Variants in POLB observed in about 807,000 individuals in gnomAD.
The protein encoded by POLB is DNA polymerase beta, also known as 5'-dRP lyase.
A neutral mutation model predicts 52.7 loss-of-function variants in POLB; 37 were observed. The observed-to-expected ratio is 0.70, with a 90% confidence interval of 0.54 to 0.92. The LOEUF is 0.92. Among genes scored for constraint, POLB ranks in the 40% least tolerant of loss-of-function variants. POLB has a pLI of 0.00. For missense variants in POLB, 313 were observed against 400.8 expected (o/e 0.78, Z 1.87); for synonymous variants, 138 against 131.3 (o/e 1.05, Z -0.35).
intron 2 of POLB, chr8:42,342,291 C>G (rs1822251703): frequency 6.5e-7 from 1 of 1,535,812 alleles, no homozygotes; most frequent in Non-Finnish European, 8.9e-7. Flanking sequence ...AGATCTTGTC[C>G]ATGCCAAACC....
intron 7 of POLB, among the ~76,000 whole-genome samples, chr8:42,356,365 C>T (rs1412725664): frequency 6.6e-6 from 1 of 152,200 alleles, no homozygotes. Context: ...TGAATAGGTG[C>T]TTCATCATGC....
chr8:42,368,686 T>C (rs922068574), intron 11 of POLB, among the ~76,000 whole-genome samples: 2 of 152,144 alleles, frequency 1.3e-5, no homozygotes, highest in African/African-American at 4.8e-5. Context: ...GATCCCCTCA[T>C]TTTCTGATCT....
chr8:42,369,881 T>G lies in POLB; in HGVS notation c.806T>G (p.Val269Gly), dbSNP rs1824270031. ...LIPKDQYYCGVLYFTGSDIFN... is the reference protein window; with the variant it reads ...LIPKDQYYCGGLYFTGSDIFN... The stretch of plus-strand genomic sequence containing the variant: ...CCCAAAGATCAGTATTACTGTGGTG[T>G]TCTCTATTTCACTGGGAGTGATATT... Residue 269 changes from valine to glycine, a missense_variant, in exon 13 of 14, where the codon GTT (valine) becomes GGT (glycine). Physicochemically the swap from Val to Gly is moderately radical, Grantham distance 109. Coordinates refer to ENST00000265421, the MANE Select transcript of POLB (RefSeq NM_002690.3). The G allele has an allele frequency of 1.9e-6, 3 of 1,605,454 alleles. No homozygotes were observed. Among genetic ancestry groups the G allele is most frequent in the South Asian group, 1.1e-5 (1 of 90,604 alleles).
intron 2 of POLB, among the ~76,000 whole-genome samples, chr8:42,344,119 G>A (rs1005403808): frequency 4.6e-5 from 6 of 131,678 alleles, no homozygotes; most frequent in African/African-American, 1.7e-4. Context: ...CGACAGACTG[G>A]GCGAGACTCC....
At chr8:42,352,736 A>G (rs1242675739) in intron 6 of POLB, among the ~76,000 whole-genome samples, 168 bp downstream of exon 6, 1 of 152,196 alleles carries the variant, frequency 6.6e-6, no homozygotes, top group Non-Finnish European at 1.5e-5. Context: ...AGTTTATATT[A>G]CCATCATAAA....
chr8:42,361,526 G>C (rs557487123), intron 10 of POLB, 161 bp downstream of exon 10: 1 of 616,170 alleles, frequency 1.6e-6, no homozygotes, highest in Non-Finnish European at 2.9e-6. Context: ...CAAATTTCTC[G>C]AAAAGGATAC....
intron 5 of POLB, among the ~76,000 whole-genome samples, chr8:42,351,974 C>T (rs1200333380): frequency 6.6e-6 from 1 of 152,178 alleles, no homozygotes; most frequent in Non-Finnish European, 1.5e-5. Flanking sequence ...TTCCTTTTCC[C>T]GAAACGTTTT....
In POLB at chr8:42,338,518, CTGGGTTGCT is replaced by C; in HGVS notation, c.-106_-98del. The C allele has an allele frequency of 1.0e-6, 1 of 969,428 alleles. No homozygotes were observed. Among genetic ancestry groups the C allele is most frequent in the South Asian group, 1.3e-5 (1 of 76,482 alleles). The allele number at this position is 969,428 out of a possible 1,614,324, so 60.1% of individuals were successfully genotyped here. A position where few individuals can be genotyped will look rare whatever the true frequency, so the allele number is the denominator to read the frequency against. ...CATTGTTCCGCCGGTCGCGCCGGAG[CTGGGTTGCT>C]CCTGCTCCCGTCTCCAAGTCCTGGT... On this transcript the variant is annotated 5_prime_UTR_variant, in exon 1 of 14. Coordinates refer to ENST00000265421, the MANE Select transcript of POLB (RefSeq NM_002690.3).
intron 2 of POLB, among the ~76,000 whole-genome samples, chr8:42,343,630 AGGG>A (rs369260796): frequency 4.2e-5 from 1 of 23,584 alleles, no homozygotes. Flanking sequence ...ATTTTAAAAA[AGGG>A]GGCCCAATGA....
intron 9 of POLB, among the ~76,000 whole-genome samples, chr8:42,359,516 G>A (rs923845780): frequency 3.4e-5 from 5 of 145,886 alleles, no homozygotes; most frequent in East Asian, 2.0e-4. Flanking sequence ...CACCACACCC[G>A]GCTAATTTTT....
At position 42,354,455 on chromosome 8, in the gene POLB, A is replaced by C. The variant is rs1213784904; in HGVS notation, c.371-1061A>C. ...TTCATGCCCAGTAAAGGGACACCTGAATGGAACTGAGTCACTTTTAGACTT... is the reference window on the plus strand; with the variant it reads ...TTCATGCCCAGTAAAGGGACACCTGCATGGAACTGAGTCACTTTTAGACTT... On this transcript the variant is annotated intron_variant, in intron 6 of 13. Transcript: ENST00000265421. The C allele has an allele frequency of 3.1e-6, 4 of 1,284,966 alleles. No homozygotes were observed. In the African/African-American group the frequency reaches 6.1e-5, roughly 20 times the overall value. The allele number at this position is 1,284,966 out of a possible 1,614,324, so 79.6% of individuals were successfully genotyped here.
intron 5 of POLB, 25 bp downstream of exon 5, chr8:42,350,090 A>C (rs1387295470): frequency 6.8e-7 from 1 of 1,476,672 alleles, no homozygotes; most frequent in Non-Finnish European, 9.5e-7. Context: ...TTAAGCAGAC[A>C]CAATCGTCAG....
chr8:42,346,462 T>C (rs976368235), intron 3 of POLB, among the ~76,000 whole-genome samples: 1 of 151,296 alleles, frequency 6.6e-6, no homozygotes, highest in Non-Finnish European at 1.5e-5. Context: ...AGCTTACTGC[T>C]GCAGCCTTGA....
At chr8:42,348,299 G>C (rs185453649) in intron 3 of POLB, among the ~76,000 whole-genome samples, 2 of 152,290 alleles carry the variant, frequency 1.3e-5, no homozygotes, top group African/African-American at 4.8e-5. Flanking sequence ...CCAAAACTTA[G>C]ATTCTAGAGA....
intron 9 of POLB, among the ~76,000 whole-genome samples, chr8:42,360,294 G>A (rs1294235745): frequency 6.6e-6 from 1 of 152,046 alleles, no homozygotes; most frequent in African/African-American, 2.4e-5. Flanking sequence ...TTAAGGCACT[G>A]TGGCTCATGC....
chr8:42,371,425 CT>C (rs1046325158), intron 13 of POLB, 137 bp from the exon 14 acceptor site: 28,753 of 349,578 alleles, frequency 0.082, no homozygotes, highest in East Asian at 0.1. Context: ...ATCCGCCGGT[CT>C]TTTTTTTTTT....
intron 11 of POLB, among the ~76,000 whole-genome samples, chr8:42,364,668 T>G (rs1823930394): frequency 6.6e-6 from 1 of 152,178 alleles, no homozygotes; most frequent in South Asian, 2.1e-4. Context: ...TGTGCTAAAA[T>G]TAGTAAGAGT....
intron 5 of POLB, among the ~76,000 whole-genome samples, chr8:42,351,269 C>G (rs1822965116): frequency 6.6e-6 from 1 of 152,220 alleles, no homozygotes; most frequent in South Asian, 2.1e-4. Context: ...GAACCCATAT[C>G]TTCTGACTCC....
Position 42,341,141 on chromosome 8 carries a change from C to A in POLB, c.119+2072C>A, listed in dbSNP as rs3136721. Among the ~76,000 whole-genome samples the A allele has an allele frequency of 3.4e-3, 520 of 152,352 alleles. 5 individuals are homozygous for A. The highest frequency in any genetic ancestry group is 0.012 in the African/African-American group (491 of 41,590). Reference sequence around the variant, plus strand: ...CTCCTCCCTACCCCAGTAGACATTTCTGTTGATTGTGGCCAAAGTATTCTT... The same window carrying A: ...CTCCTCCCTACCCCAGTAGACATTTATGTTGATTGTGGCCAAAGTATTCTT... On this transcript the variant is annotated intron_variant, in intron 2 of 13. Transcript: ENST00000265421.
Sources: allele counts gnomAD v4.1 joint callset (sites outside exome capture counted in the v4.1 genomes callset), GRCh38; gene constraint gnomAD v4.1.1; transcripts MANE v1.5; gene names NCBI Gene and HGNC (gene_info 2026-07-23, HGNC 2026-07-21).